CHD6: variants seen among roughly 807,000 people sequenced by gnomAD.
CHD6 encodes the protein chromodomain helicase DNA binding protein 6, also known as ATP-dependent chromatin remodeler CHD6.
A neutral mutation model predicts 276.9 loss-of-function variants in CHD6; 50 were observed. That is an observed-to-expected ratio of 0.18 (90% confidence interval 0.14 to 0.23). CHD6 has a LOEUF of 0.23. CHD6 is among the 10% of genes least tolerant of loss of function. The pLI is 1.00. For missense variants in CHD6, 2,564 were observed against 3,365.8 expected (o/e 0.76, Z 5.89); for synonymous variants, 1,173 against 1,229.3 (o/e 0.95, Z 0.96).
At chr20:41,608,449 C>T (rs996232978) in intron 1 of CHD6, among the ~76,000 whole-genome samples, 2 of 152,064 alleles carry the variant, frequency 1.3e-5, no homozygotes, top group Non-Finnish European at 2.9e-5. Flanking sequence ...AATTATGGAG[C>T]CTTTCACATG....
Position 41,403,826 on chromosome 20 carries a change from C to G in CHD6, c.*767G>C. 1 of 1,057,334 alleles carries G rather than the reference C, an allele frequency of 9.5e-7. No individual in the cohort carries two copies. Among genetic ancestry groups the G allele is most frequent in the Non-Finnish European group, 1.1e-6 (1 of 874,294 alleles). The allele number at this position is 1,057,334 out of a possible 1,614,324, so 65.5% of individuals were successfully genotyped here. Reference sequence around the variant, plus strand: ...GCGTGTAGCTCTACGGAGCGCGGGTCCTTGCCCCACCCCCGTCGACAGCAA... The same window carrying G: ...GCGTGTAGCTCTACGGAGCGCGGGTGCTTGCCCCACCCCCGTCGACAGCAA... On this transcript the variant is annotated 3_prime_UTR_variant, in exon 37 of 37. Transcript: ENST00000373233.
intron 5 of CHD6, among the ~76,000 whole-genome samples, chr20:41,504,451 A>G (rs1301350936): frequency 7.5e-6 from 1 of 134,004 alleles, no homozygotes; most frequent in Non-Finnish European, 1.5e-5. Context: ...TCTGTCACCC[A>G]GGCTGGAAAG....
intron 1 of CHD6, among the ~76,000 whole-genome samples, chr20:41,579,460 A>C (rs1004624280): frequency 6.6e-6 from 1 of 150,770 alleles, no homozygotes. Context: ...AAAAAATCTT[A>C]AAAGGCTAAA....
At chr20:41,596,408 T>C (rs906375839) in intron 1 of CHD6, among the ~76,000 whole-genome samples, 51 of 152,056 alleles carry the variant, frequency 3.4e-4, no homozygotes, top group African/African-American at 1.1e-3. Context: ...GGACCACAAG[T>C]ATACACTTGG....
intron 25 of CHD6, among the ~76,000 whole-genome samples, 174 bp downstream of exon 25, chr20:41,445,491 C>T (rs1033485002): frequency 3.9e-5 from 6 of 152,162 alleles, no homozygotes; most frequent in South Asian, 2.1e-4. Flanking sequence ...GTGAGCCATA[C>T]ATTCATCTGG....
intron 1 of CHD6, among the ~76,000 whole-genome samples, chr20:41,570,305 T>C (rs1438518305): frequency 6.6e-6 from 1 of 152,212 alleles, no homozygotes; most frequent in Non-Finnish European, 1.5e-5. Context: ...GGTGCAAAGC[T>C]GGGTATCACA....
chr20:41,449,133 T>A (rs186548653), intron 23 of CHD6, among the ~76,000 whole-genome samples: 2 of 152,140 alleles, frequency 1.3e-5, no homozygotes, highest in African/African-American at 4.8e-5. Context: ...GAACTCCTGA[T>A]CTCAGGTGAT....
chr20:41,482,875 TC>T (rs2043326229), intron 16 of CHD6, among the ~76,000 whole-genome samples: 1 of 152,126 alleles, frequency 6.6e-6, no homozygotes, highest in Non-Finnish European at 1.5e-5. Flanking sequence ...ACATAAAATA[TC>T]CCCACATTCT....
At chr20:41,611,228 T>C (rs2045884139) in intron 1 of CHD6, among the ~76,000 whole-genome samples, 1 of 152,224 alleles carries the variant, frequency 6.6e-6, no homozygotes, top group African/African-American at 2.4e-5. Context: ...TTGTTTCCTA[T>C]TATATTTTCC....
At chr20:41,593,412 C>T (rs2045684871) in intron 1 of CHD6, among the ~76,000 whole-genome samples, 1 of 152,156 alleles carries the variant, frequency 6.6e-6, no homozygotes, top group Non-Finnish European at 1.5e-5. Flanking sequence ...TTTCTGTATG[C>T]ACAGACCCAA....
At chr20:41,544,539 G>A (rs1267566327) in intron 2 of CHD6, among the ~76,000 whole-genome samples, 2 of 151,896 alleles carry the variant, frequency 1.3e-5, no homozygotes, top group Non-Finnish European at 2.9e-5. Context: ...AAAATTTTGT[G>A]TCTGTCTCAT....
chr20:41,495,538 T>C (rs1167650866), intron 8 of CHD6, among the ~76,000 whole-genome samples: 2 of 152,106 alleles, frequency 1.3e-5, no homozygotes, highest in East Asian at 3.9e-4. Flanking sequence ...ACCTAATGCA[T>C]AGCATGGTGA....
Position 41,415,451 on chromosome 20 carries a change from C to A in CHD6, c.6674G>T (p.Gly2225Val), listed in dbSNP as rs202029350. ...SAMDLSCSSE[G>V]SPGATSPFPV... ...GAAAGGGGATGTGGCTCCTGGGGAC[C>A]CCTCTGATGAGCAGGAGAGGTCCAT... is the stretch of plus-strand genomic sequence containing the variant. The change falls in exon 34 of 37, where the codon GGG (glycine) becomes GTG (valine). Residue 2225 changes from glycine to valine, a missense_variant. Gly to Val is a moderately radical substitution (Grantham distance 109). Coordinates refer to ENST00000373233, the MANE Select transcript of CHD6 (RefSeq NM_032221.5). 5 of 1,612,524 alleles carry A rather than the reference C, an allele frequency of 3.1e-6. No homozygotes were observed. Among genetic ancestry groups the A allele is most frequent in the African/African-American group, 1.3e-5 (1 of 74,896 alleles).
chr20:41,586,273 C>T (rs1174555577), intron 1 of CHD6, among the ~76,000 whole-genome samples: 2 of 152,224 alleles, frequency 1.3e-5, no homozygotes, highest in Non-Finnish European at 2.9e-5. Flanking sequence ...GTCACAAGAC[C>T]CGCCGTTGAC....
chr20:41,494,898 A>G (rs6016565), intron 8 of CHD6, among the ~76,000 whole-genome samples: 35,014 of 152,164 alleles, frequency 0.23, 4,207 homozygotes, highest in East Asian at 0.4. Flanking sequence ...GAGTAGCATC[A>G]TGATCTTTAT....
intron 17 of CHD6, among the ~76,000 whole-genome samples, chr20:41,464,303 A>C (rs981701353): frequency 5.9e-5 from 9 of 152,200 alleles, no homozygotes; most frequent in African/African-American, 1.9e-4. Context: ...GGTCGTGAAG[A>C]AAATAACTAA....
At position 41,499,298 on chromosome 20, in the gene CHD6, C is replaced by T; in HGVS notation, c.912G>A (p.Gln304=). Residue 304 remains glutamine (Q), a synonymous_variant, in exon 6 of 37, where the codon CAG becomes CAA. Coordinates refer to ENST00000373233, the MANE Select transcript of CHD6 (RefSeq NM_032221.5). The part of the protein sequence containing the change: ...IEKILASKTV[Q]EVHPGEPPFD... ...GCTAGAAACATGAGCCACCAACCTC[C>T]TGGACAGTCTTAGATGCCAGGATCT... The T allele has an allele frequency of 6.2e-7, 1 of 1,606,858 alleles. No homozygotes were observed. Among genetic ancestry groups the T allele is most frequent in the Non-Finnish European group, 8.5e-7 (1 of 1,176,188 alleles).
intron 5 of CHD6, among the ~76,000 whole-genome samples, chr20:41,503,010 CA>C (rs1179030764): frequency 6.6e-6 from 1 of 152,076 alleles, no homozygotes; most frequent in East Asian, 1.9e-4. Context: ...ATCTCAAAAA[CA>C]AAACAAAACA....
chr20:41,529,652 C>G (rs763031343), intron 3 of CHD6, among the ~76,000 whole-genome samples: 19 of 152,056 alleles, frequency 1.2e-4, no homozygotes, highest in Admixed American at 5.9e-4. Context: ...CAAGAGCAAT[C>G]CAAAGGAGAA....
Sources: gnomAD v4.1 joint callset for allele counts (sites outside exome capture counted in the v4.1 genomes callset) on GRCh38, gnomAD v4.1.1 for gene constraint, MANE v1.5 for transcripts, NCBI Gene and HGNC (gene_info 2026-07-23, HGNC 2026-07-21) for gene names.